The following AASDH variants were observed in gnomAD, a reference collection of about 807,000 sequenced individuals.
AASDH encodes the protein aminoadipate-semialdehyde dehydrogenase, also known as beta-alanine-activating enzyme.
In AASDH, 81 loss-of-function variants were observed where a neutral mutation model predicts 102.3. That is an observed-to-expected ratio of 0.79 (90% CI 0.66 to 0.95). The LOEUF (loss-of-function observed/expected upper bound fraction) is 0.95. Among genes scored for constraint, AASDH ranks in the 40% least tolerant of loss-of-function variants. AASDH has a pLI of 0.00. For synonymous variants in AASDH, 398 were observed against 454.0 expected (o/e 0.88, Z 1.57); for missense variants, 1,203 against 1,266.2 (o/e 0.95, Z 0.76).
intron 11 of AASDH, 100 bp from the exon 12 acceptor site, chr4:56,345,390 A>C: frequency 1.8e-6 from 2 of 1,126,498 alleles, no homozygotes; most frequent in South Asian, 3.1e-5. Context: ...CTCCTCTTAT[A>C]CATAGGCTCT....
chr4:56,378,783 G>A (rs1752640910), intron 3 of AASDH, among the ~76,000 whole-genome samples: 1 of 147,962 alleles, frequency 6.8e-6, no homozygotes, highest in Non-Finnish European at 1.5e-5. Flanking sequence ...CTGTTGCACT[G>A]GGTTTTTTTT....
chr4:56,376,867 A>G (rs1395725901), intron 4 of AASDH, among the ~76,000 whole-genome samples: 2 of 151,874 alleles, frequency 1.3e-5, no homozygotes, highest in Admixed American at 1.3e-4. Context: ...GGAGATCGAG[A>G]CCATCCCGGC....
intron 11 of AASDH, among the ~76,000 whole-genome samples, chr4:56,347,265 A>G (rs1227730946): frequency 2.0e-5 from 3 of 152,230 alleles, no homozygotes; most frequent in Admixed American, 1.3e-4. Flanking sequence ...GCAGTTTCTT[A>G]TCATTCAGGT....
chr4:56,351,917 C>CAA (rs34850926), intron 9 of AASDH, among the ~76,000 whole-genome samples: 7 of 99,434 alleles, frequency 7.0e-5, no homozygotes, highest in African/African-American at 1.1e-4. Context: ...ACCCTATCTC[C>CAA]AAAAAAAAAA....
chr4:56,345,294 C>T lies in AASDH; in HGVS notation c.2489-4G>A, dbSNP rs1181781605. 6.2e-7 allele frequency: 1 copy of T among 1,610,034 alleles called. No homozygotes were observed. The highest frequency in any genetic ancestry group is 8.5e-7 in the Non-Finnish European group (1 of 1,176,716). On this transcript the variant is annotated splice_region_variant and splice_polypyrimidine_tract_variant and intron_variant, in intron 11 of 14. Coordinates refer to ENST00000205214, the MANE Select transcript of AASDH (RefSeq NM_181806.4). ...TAAACTAATCCATTATAACAGCCTA[C>T]CAAGAAACAAAGCACAAAAGATTTG...
At chr4:56,370,366 GAGAGAGAGAGGGAC>G (rs754820563) in intron 5 of AASDH, among the ~76,000 whole-genome samples, 15 of 151,826 alleles carry the variant, frequency 9.9e-5, no homozygotes, top group Non-Finnish European at 1.8e-4. Flanking sequence ...AAGAAAGAGA[GAGAGAGAGAGGGAC>G]AGAGAGAGAG....
intron 2 of AASDH, among the ~76,000 whole-genome samples, 155 bp downstream of exon 2, chr4:56,383,915 T>C (rs1163647056): frequency 1.3e-5 from 1 of 79,118 alleles, no homozygotes; most frequent in Non-Finnish European, 2.7e-5. Flanking sequence ...ATAAAAATAA[T>C]ACTGGGGAAA....
intron 12 of AASDH, among the ~76,000 whole-genome samples, 186 bp downstream of exon 12, chr4:56,344,940 CT>C (rs11357105): frequency 0.38 from 46,538 of 123,762 alleles, 7,334 homozygotes; most frequent in Non-Finnish European, 0.42. Flanking sequence ...AATTTTCTTT[CT>C]TTTTTTTTTT....
chr4:56,364,876 C>T (rs1225067885), intron 5 of AASDH, among the ~76,000 whole-genome samples: 2 of 151,996 alleles, frequency 1.3e-5, no homozygotes, highest in South Asian at 2.1e-4. Flanking sequence ...CAATATTAAC[C>T]TGAAATGTAA....
intron 14 of AASDH, among the ~76,000 whole-genome samples, chr4:56,339,770 G>A (rs1463687912): frequency 7.2e-6 from 1 of 139,092 alleles, no homozygotes; most frequent in South Asian, 2.3e-4. Context: ...AAAAAATTGA[G>A]ACCAGTTTTC....
In AASDH at chr4:56,349,259, T is replaced by C. The variant is rs766419563; in HGVS notation, c.2488+4A>G. On this transcript the variant is annotated splice_donor_region_variant and intron_variant, in intron 11 of 14. Transcript: ENST00000205214. ...CTCCACAAACCTCAAATTCAAAAAC[T>C]TACCCACCACAATAAAGTTTCCACA... is the stretch of plus-strand genomic sequence containing the variant. The C allele has an allele frequency of 4.3e-6, 7 of 1,613,360 alleles. No individual in the cohort carries two copies. The highest frequency in any genetic ancestry group is 5.1e-6 in the Non-Finnish European group (6 of 1,179,644).
chr4:56,371,354 A>G, intron 5 of AASDH, 97 bp downstream of exon 5: 1 of 1,254,150 alleles, frequency 8.0e-7, no homozygotes, highest in South Asian at 1.4e-5. Flanking sequence ...GATTATATTA[A>G]TCCATTGTAA....
chr4:56,382,211 T>C (rs1054430449), intron 3 of AASDH: 7 of 326,842 alleles, frequency 2.1e-5, no homozygotes, highest in East Asian at 9.2e-5. Context: ...TGGGGGACAA[T>C]TGGCAATGTC....
Position 56,349,751 on chromosome 4 carries a change from A to G in AASDH, c.2000T>C (p.Met667Thr). The change falls in exon 11 of 15, where the codon ATG (methionine) becomes ACG (threonine). Residue 667 changes from methionine to threonine, a missense_variant. Coordinates refer to ENST00000205214, the MANE Select transcript of AASDH (RefSeq NM_181806.4). Reference sequence around the variant, plus strand: ...AATCTCATTGTGGCAAGTGAAAGTCATGATGGCTTTCTGATGTAAAGATGT... The same window carrying G: ...AATCTCATTGTGGCAAGTGAAAGTCGTGATGGCTTTCTGATGTAAAGATGT... ...SGTSLHQKAI[M>T]TFTCHNEINA... The G allele has an allele frequency of 1.2e-6, 2 of 1,614,208 alleles. No homozygotes were observed. The highest frequency in any genetic ancestry group is 1.7e-6 in the Non-Finnish European group (2 of 1,180,030).
At chr4:56,370,213 AT>A (rs1751519465) in intron 5 of AASDH, among the ~76,000 whole-genome samples, 1 of 151,834 alleles carries the variant, frequency 6.6e-6, no homozygotes, top group Non-Finnish European at 1.5e-5. Context: ...AAATACAAAA[AT>A]TAGCCTGGTG....
At chr4:56,382,754 C>T (rs1255689665) in intron 2 of AASDH, among the ~76,000 whole-genome samples, 157 bp from the exon 3 acceptor site, 1 of 152,198 alleles carries the variant, frequency 6.6e-6, no homozygotes, top group African/African-American at 2.4e-5. Context: ...AATGTTTTCA[C>T]TGACACATAG....
chr4:56,359,561 T>A (rs1219232458), intron 5 of AASDH, among the ~76,000 whole-genome samples: 1 of 131,684 alleles, frequency 7.6e-6, no homozygotes, highest in Non-Finnish European at 1.6e-5. Context: ...TGCCCGGCCT[T>A]ATGTTCTTTT....
chr4:56,338,897 T>G, intron 14 of AASDH, 106 bp from the exon 15 acceptor site: 1 of 1,137,276 alleles, frequency 8.8e-7, no homozygotes, highest in South Asian at 1.6e-5. Context: ...TATAGGCTAT[T>G]TGAATGGTAA....
Position 56,349,408 on chromosome 4 carries a change from T to C in AASDH, c.2343A>G (p.Ser781=). ...GGGAACCAATGTACACAGTTGTAGA[T>C]GACTTATCAAAAGTGGGTATTACAA... ...PLVVIPTFDK[S]STTVYIGSHS... is the part of the protein sequence containing the mutation. Residue 781 remains serine (S), a synonymous_variant, in exon 11 of 15, where the codon TCA becomes TCG. Coordinates refer to ENST00000205214, the MANE Select transcript of AASDH (RefSeq NM_181806.4). The C allele has an allele frequency of 1.2e-6, 2 of 1,614,218 alleles. No homozygotes were observed. The highest frequency in any genetic ancestry group is 1.7e-6 in the Non-Finnish European group (2 of 1,180,038).
Sources: allele counts gnomAD v4.1 joint callset (sites outside exome capture counted in the v4.1 genomes callset), GRCh38; gene constraint gnomAD v4.1.1; transcripts MANE v1.5; gene names NCBI Gene and HGNC (gene_info 2026-07-23, HGNC 2026-07-21).